The following CD109 variants were observed in gnomAD, a reference collection of about 807,000 sequenced individuals.
CD109 encodes the protein CD109 antigen.
Under a neutral mutation model 165.8 loss-of-function variants are expected in CD109, and 149 were observed. The ratio of observed to expected loss-of-function variants is 0.90; its 90% confidence interval spans 0.79 to 1.03. The LOEUF (loss-of-function observed/expected upper bound fraction) is 1.03, where lower values mean the gene tolerates loss of function less well. CD109 is among the 50% of genes least tolerant of loss of function. The pLI is 0.00. For synonymous variants in CD109, 585 were observed against 592.1 expected (o/e 0.99, Z 0.18); for missense variants, 1,712 against 1,677.8 (o/e 1.02, Z -0.36).
In CD109 at chr6:73,762,803, A is replaced by C. The variant is rs975227334; in HGVS notation, c.918A>C (p.Ser306=). The C allele has an allele frequency of 6.2e-7, 1 of 1,611,272 alleles. No individual in the cohort carries two copies. Residue 306 remains serine, a synonymous_variant, in exon 9 of 33, where the codon TCA becomes TCC. Transcript: ENST00000287097. ...AGATGAAAAATGTAATGGATTCTTC[A>C]AATGGACTTTCTGAATACCTGGATC... The part of the protein sequence containing the change: ...DEEMKNVMDS[S]NGLSEYLDLS...
intron 2 of CD109, among the ~76,000 whole-genome samples, chr6:73,705,503 G>A (rs140779937): frequency 1.5e-3 from 231 of 152,230 alleles, no homozygotes; most frequent in African/African-American, 5.1e-3. Context: ...GTAGCTGGAC[G>A]TGGTGACATG....
chr6:73,769,198 AGTT>A (rs1461722936), intron 14 of CD109, among the ~76,000 whole-genome samples: 2 of 152,096 alleles, frequency 1.3e-5, no homozygotes, highest in African/African-American at 4.8e-5. Context: ...CCTGTACTTT[AGTT>A]TTGTTGAGAA....
intron 32 of CD109, among the ~76,000 whole-genome samples, chr6:73,822,285 G>A (rs1422167420): frequency 1.3e-5 from 2 of 152,148 alleles, no homozygotes; most frequent in Non-Finnish European, 2.9e-5. Flanking sequence ...TCATCACAAT[G>A]CATGAGAAGC....
intron 15 of CD109, among the ~76,000 whole-genome samples, chr6:73,778,047 G>A (rs1309887672): frequency 6.6e-6 from 1 of 152,154 alleles, no homozygotes; most frequent in East Asian, 1.9e-4. Flanking sequence ...ATGAGCATGG[G>A]ATGTTTTCCC....
At chr6:73,728,001 T>C (rs1045140702) in intron 3 of CD109, among the ~76,000 whole-genome samples, 1 of 152,112 alleles carries the variant, frequency 6.6e-6, no homozygotes, top group Admixed American at 6.5e-5. Flanking sequence ...ACCTAGGGCG[T>C]CCTGGTACAC....
Position 73,739,810 on chromosome 6 carries a change from C to T in CD109, c.633+3302C>T, listed in dbSNP as rs142525017. ...TTGCAGTGAGCCAAGATCATGCCAC[C>T]GCTCTCCAGCCTGGGCGACAGAGTG... On this transcript the variant is annotated intron_variant, in intron 5 of 32. Transcript: ENST00000287097. Among the ~76,000 whole-genome samples the T allele has an allele frequency of 2.5e-3, 378 of 151,930 alleles. 2 individuals are homozygous for T. The highest frequency in any genetic ancestry group is 8.8e-3 in the African/African-American group (363 of 41,424).
At chr6:73,777,033 G>GGCTCA (rs1774275071) in intron 15 of CD109, among the ~76,000 whole-genome samples, 3 of 96,770 alleles carry the variant, frequency 3.1e-5, no homozygotes, top group East Asian at 3.4e-4. Flanking sequence ...TGTTGCCCAC[G>GGCTCA]CTGCAACCTC....
intron 15 of CD109, among the ~76,000 whole-genome samples, chr6:73,771,872 A>G (rs1239948773): frequency 6.6e-6 from 1 of 152,220 alleles, no homozygotes. Context: ...GTAGTTAATG[A>G]TAATGTACCA....
At position 73,803,318 on chromosome 6, in the gene CD109, A is replaced by G. The variant is rs1381332027; in HGVS notation, c.2960+17A>G. 11 of 1,599,174 alleles carry G rather than the reference A, an allele frequency of 6.9e-6. No individual in the cohort carries two copies. The highest frequency in any genetic ancestry group is 8.6e-6 in the Non-Finnish European group (10 of 1,167,940). ...GAGCACTTGGTAAGTGTTTTTGCCA[A>G]CTGAACAAATCCGTGTCATGGAATG... On this transcript the variant is annotated intron_variant, in intron 24 of 32. Coordinates refer to ENST00000287097, the MANE Select transcript of CD109 (RefSeq NM_133493.5).
At chr6:73,774,276 A>G (rs911269285) in intron 15 of CD109, among the ~76,000 whole-genome samples, 3 of 152,212 alleles carry the variant, frequency 2.0e-5, no homozygotes, top group Non-Finnish European at 4.4e-5. Context: ...TTCTCTGATA[A>G]TATCTATTGG....
intron 5 of CD109, among the ~76,000 whole-genome samples, chr6:73,753,498 C>T (rs1045589010): frequency 2.0e-5 from 3 of 152,024 alleles, no homozygotes; most frequent in Admixed American, 2.0e-4. Context: ...TTTTCAAATC[C>T]CTTGGACAGT....
At chr6:73,760,261 G>A (rs9341437) in intron 7 of CD109, among the ~76,000 whole-genome samples, 1 of 151,800 alleles carries the variant, frequency 6.6e-6, no homozygotes, top group Non-Finnish European at 1.5e-5. Flanking sequence ...CAAAAAATTA[G>A]CCGGGCGCGG....
chr6:73,696,008 A>C, upstream of CD109: 3 of 529,560 alleles, frequency 5.7e-6, no homozygotes, highest in Non-Finnish European at 6.7e-6. Flanking sequence ...AGCAGCGAGA[A>C]GCGCCATTGT....
chr6:73,687,344 C>T, the CD109 span, among the ~76,000 whole-genome samples: 1 of 151,958 alleles, frequency 6.6e-6, no homozygotes, highest in Non-Finnish European at 1.5e-5. Context: ...GATACTCCTT[C>T]CTCCCTTCAG....
intron 2 of CD109, among the ~76,000 whole-genome samples, chr6:73,713,241 G>A (rs1328462186): frequency 6.6e-6 from 1 of 152,146 alleles, no homozygotes; most frequent in East Asian, 1.9e-4. Flanking sequence ...AGAAAAAAAT[G>A]TCAAGTACTT....
At chr6:73,682,705 G>A in the CD109 span, among the ~76,000 whole-genome samples, 3 of 152,248 alleles carry the variant, frequency 2.0e-5, no homozygotes, top group Non-Finnish European at 4.4e-5. Context: ...GGTTCTCCAT[G>A]AGGACACTAC....
intron 3 of CD109, among the ~76,000 whole-genome samples, chr6:73,729,701 A>G (rs1461957337): frequency 2.6e-5 from 4 of 151,858 alleles, no homozygotes; most frequent in Non-Finnish European, 5.9e-5. Context: ...TTTAGTAGAG[A>G]TGGGGTTTCA....
chr6:73,718,670 TTGTC>T (rs1182183422), intron 2 of CD109, among the ~76,000 whole-genome samples: 2 of 152,088 alleles, frequency 1.3e-5, no homozygotes, highest in African/African-American at 4.8e-5. Context: ...CCACTACTTT[TTGTC>T]TGTGTGACCC....
At chr6:73,703,578 A>G (rs187124276) in intron 2 of CD109, among the ~76,000 whole-genome samples, 40 of 152,380 alleles carry the variant, frequency 2.6e-4, no homozygotes, top group East Asian at 9.6e-4. Context: ...ATACTCTACG[A>G]AAGTTTCCTA....
Sources: allele counts gnomAD v4.1 joint callset (sites outside exome capture counted in the v4.1 genomes callset), GRCh38; gene constraint gnomAD v4.1.1; transcripts MANE v1.5; gene names NCBI Gene and HGNC (gene_info 2026-07-23, HGNC 2026-07-21).